RPH3AL: variants seen among roughly 807,000 people sequenced by gnomAD.
RPH3AL encodes rab effector Noc2.
RPH3AL carries 38 observed loss-of-function variants against 43.1 expected under a neutral mutation model. The ratio of observed to expected loss-of-function variants is 0.88; its 90% CI spans 0.68 to 1.15. The LOEUF is 1.15. RPH3AL is among the 50% of genes most tolerant of loss of function. RPH3AL has a pLI of 0.00. For missense variants in RPH3AL, 462 were observed against 423.2 expected (o/e 1.09, Z -0.81); for synonymous variants, 189 against 176.3 (o/e 1.07, Z -0.57).
intron 7 of RPH3AL, among the ~76,000 whole-genome samples, chr17:243,066 A>C (rs1327484269): frequency 8.8e-6 from 1 of 113,956 alleles, no homozygotes; most frequent in African/African-American, 4.5e-5. Context: ...CCCTTCCTCT[A>C]TTGATTACCT....
intron 5 of RPH3AL, among the ~76,000 whole-genome samples, chr17:307,674 G>A (rs2151649039): frequency 6.6e-6 from 1 of 152,328 alleles, no homozygotes. Context: ...AGGGATCCGT[G>A]TGGTTCCCCA....
rs1173870742 is a variant in RPH3AL, at chr17:235,581, C to T, written c.613+11530G>A. 1.1e-3 allele frequency among the ~76,000 whole-genome samples: 98 copies of T among 92,402 alleles called. 1 individual carries two copies. Among genetic ancestry groups the T allele is most frequent in the Non-Finnish European group, 1.3e-3 (58 of 43,566 alleles). The allele number at this position is 92,402 out of a possible 152,430, so 60.6% of individuals were successfully genotyped here. A position where few individuals can be genotyped will look rare whatever the true frequency, so the allele number is the denominator to read the frequency against. ...TCAAAGCTGGGGTCGGTGGAGGCTC[C>T]ACACTAACAAGACGGATCCCGGGTT... On this transcript the variant is annotated intron_variant, in intron 7 of 9. Coordinates refer to ENST00000331302, the MANE Select transcript of RPH3AL (RefSeq NM_006987.4).
chr17:278,655 C>A (rs1247573791), intron 6 of RPH3AL, among the ~76,000 whole-genome samples: 1 of 152,168 alleles, frequency 6.6e-6, no homozygotes, highest in African/African-American at 2.4e-5. Flanking sequence ...GTCCCCAGCA[C>A]CCCTTCTCCC....
At chr17:252,522 G>C (rs554588835) in intron 6 of RPH3AL, among the ~76,000 whole-genome samples, 1 of 152,134 alleles carries the variant, frequency 6.6e-6, no homozygotes, top group Non-Finnish European at 1.5e-5. Flanking sequence ...CTACGCATCA[G>C]AGCAGTCGTT....
At chr17:315,659 C>A (rs1044651838) in intron 5 of RPH3AL, among the ~76,000 whole-genome samples, 4,213 of 144,554 alleles carry the variant, frequency 0.029, no homozygotes, top group African/African-American at 0.042. Flanking sequence ...CTGTGCTCCA[C>A]CTCCACTGAC....
At chr17:325,015 C>T (rs1054719299) in intron 3 of RPH3AL, among the ~76,000 whole-genome samples, 3 of 152,236 alleles carry the variant, frequency 2.0e-5, no homozygotes, top group East Asian at 1.9e-4. Context: ...TGTGCCAACA[C>T]GACCGGCTAA....
At chr17:261,225 T>C (rs1487333928) in intron 6 of RPH3AL, among the ~76,000 whole-genome samples, 1 of 152,226 alleles carries the variant, frequency 6.6e-6, no homozygotes, top group Non-Finnish European at 1.5e-5. Flanking sequence ...AATCCACATG[T>C]TGAAGCTCTA....
chr17:219,162 CTG>C (rs1229981887), intron 8 of RPH3AL, among the ~76,000 whole-genome samples: 11 of 145,628 alleles, frequency 7.6e-5, no homozygotes, highest in Non-Finnish European at 1.6e-4. Flanking sequence ...CAAAACCACT[CTG>C]TCCCTGGGGC....
At chr17:234,665 GC>G (rs983678978) in intron 7 of RPH3AL, 5 of 153,898 alleles carry the variant, frequency 3.2e-5, no homozygotes, top group Admixed American at 6.5e-5. Context: ...GCAAGCTCCA[GC>G]CCCCCCGGCC....
At chr17:230,301 C>T (rs750777732) in intron 7 of RPH3AL, among the ~76,000 whole-genome samples, 10 of 152,200 alleles carry the variant, frequency 6.6e-5, no homozygotes, top group Non-Finnish European at 1.3e-4. Flanking sequence ...TCACCAGCAT[C>T]GAAATCTCAC....
intron 6 of RPH3AL, among the ~76,000 whole-genome samples, chr17:266,124 G>A (rs1281040772): frequency 6.6e-6 from 1 of 152,206 alleles, no homozygotes; most frequent in Non-Finnish European, 1.5e-5. Flanking sequence ...ATTGAGGTGT[G>A]AGCTCAAAGC....
At chr17:262,506 A>G (rs569850661) in intron 6 of RPH3AL, among the ~76,000 whole-genome samples, 87 of 149,356 alleles carry the variant, frequency 5.8e-4, no homozygotes, top group Admixed American at 1.0e-3. Context: ...GAGCCACCGC[A>G]CCCGGCCAAC....
chr17:216,785 CT>C (rs1194986558), intron 8 of RPH3AL, among the ~76,000 whole-genome samples: 1 of 152,176 alleles, frequency 6.6e-6, no homozygotes, highest in Non-Finnish European at 1.5e-5. Context: ...GAAAACTGCA[CT>C]GAGGAGGATT....
At chr17:255,417 C>T (rs367957060) in intron 6 of RPH3AL, among the ~76,000 whole-genome samples, 10 of 2,508 alleles carry the variant, frequency 4.0e-3, no homozygotes, top group South Asian at 0.036. Context: ...TCCCTAGGAA[C>T]GTGACTACCC....
intron 4 of RPH3AL, among the ~76,000 whole-genome samples, chr17:320,466 T>C (rs1018250204): frequency 2.7e-5 from 4 of 150,442 alleles, no homozygotes; most frequent in Non-Finnish European, 5.9e-5. Context: ...TGAGACCCCA[T>C]CTCTACAAAA....
chr17:276,582 A>T (rs971551740), intron 6 of RPH3AL, among the ~76,000 whole-genome samples: 3 of 152,108 alleles, frequency 2.0e-5, no homozygotes, highest in Non-Finnish European at 4.4e-5. Context: ...TTGCAGAGAA[A>T]AAGTCTTGCC....
At chr17:335,152 G>A (rs2044918069) in intron 1 of RPH3AL, among the ~76,000 whole-genome samples, 1 of 152,214 alleles carries the variant, frequency 6.6e-6, no homozygotes. Flanking sequence ...GCATTCCCAA[G>A]AGCACAGCCA....
At chr17:312,056 T>G (rs2043658635) in intron 5 of RPH3AL, among the ~76,000 whole-genome samples, 1 of 152,150 alleles carries the variant, frequency 6.6e-6, no homozygotes, top group Non-Finnish European at 1.5e-5. Context: ...GTAATCCCAG[T>G]GCTTTGGGAA....
Position 237,621 on chromosome 17 carries a change from C to A in RPH3AL, c.613+9490G>T, listed in dbSNP as rs146236184. On this transcript the variant is annotated intron_variant, in intron 7 of 9. Coordinates refer to ENST00000331302, the MANE Select transcript of RPH3AL (RefSeq NM_006987.4). ...GTGAGGAGGAAATGGGTATTTACAC[C>A]CTGTGAGCAGGGCTTTTGATGGTGC... is the stretch of plus-strand genomic sequence containing the variant. Among the ~76,000 whole-genome samples the A allele has an allele frequency of 1.8e-3, 269 of 152,306 alleles. 1 individual carries two copies. The highest frequency in any genetic ancestry group is 6.2e-3 in the African/African-American group (258 of 41,564).
Sources: gnomAD v4.1 joint callset for allele counts (sites outside exome capture counted in the v4.1 genomes callset) on GRCh38, gnomAD v4.1.1 for gene constraint, MANE v1.5 for transcripts, NCBI Gene and HGNC (gene_info 2026-07-23, HGNC 2026-07-21) for gene names.